HMMR: variants seen among roughly 807,000 people sequenced by gnomAD.
HMMR encodes the protein hyaluronan mediated motility receptor.
A neutral mutation model predicts 101.0 loss-of-function variants in HMMR; 108 were observed. The ratio of observed to expected loss-of-function variants is 1.07; its 90% CI spans 0.92 to 1.25. The LOEUF is 1.25. Among genes scored for constraint, HMMR ranks in the 50% most tolerant of loss-of-function variants. The pLI, the probability that HMMR is intolerant of heterozygous loss-of-function variation, is 0.00. For missense variants in HMMR, 813 were observed against 788.7 expected (o/e 1.03, Z -0.37); for synonymous variants, 296 against 276.4 (o/e 1.07, Z -0.70).
intron 6 of HMMR, 39 bp downstream of exon 6, chr5:163,471,310 T>C (rs1462995151): frequency 6.2e-7 from 1 of 1,605,270 alleles, no homozygotes; most frequent in African/African-American, 1.3e-5. Flanking sequence ...TGTCTGGATC[T>C]GGGGATCAGT....
intron 12 of HMMR, among the ~76,000 whole-genome samples, chr5:163,482,107 G>T (rs909704614): frequency 2.0e-5 from 3 of 152,026 alleles, no homozygotes; most frequent in Admixed American, 2.0e-4. Flanking sequence ...AGTAGTGATG[G>T]GGTTTCACCA....
intron 16 of HMMR, among the ~76,000 whole-genome samples, chr5:163,485,280 CA>C (rs1410651640): frequency 2.0e-5 from 3 of 152,090 alleles, no homozygotes; most frequent in African/African-American, 7.2e-5. Context: ...TGGCTCATAC[CA>C]ATCTATATTC....
At chr5:163,480,239 A>G (rs1759211659) in intron 12 of HMMR, among the ~76,000 whole-genome samples, 1 of 152,180 alleles carries the variant, frequency 6.6e-6, no homozygotes, top group African/African-American at 2.4e-5. Context: ...TGTGTATTAT[A>G]ATTTTATGAC....
At chr5:163,483,583 T>TA (rs1759358861) in intron 15 of HMMR, among the ~76,000 whole-genome samples, 1 of 152,174 alleles carries the variant, frequency 6.6e-6, no homozygotes. Flanking sequence ...TTAATTGACA[T>TA]AATTTTTTCA....
At position 163,469,751 on chromosome 5, in the gene HMMR, ATC is replaced by A; in HGVS notation, c.392_393del (p.Ser131CysfsTer3). Reference sequence around the variant, plus strand: ...TAAATGCTGCACTAAGGGAAAAAACATCTCTCTCTGCAAATAATGCTACACTG... The same window carrying A: ...TAAATGCTGCACTAAGGGAAAAAACATCTCTCTGCAAATAATGCTACACTG... ...RLNAALREKT[S>X]LSANNATLEK... On this transcript the variant is annotated frameshift_variant, in exon 5 of 18. Transcript: ENST00000393915. LOFTEE classifies it high-confidence loss of function. 1.9e-6 allele frequency: 3 copies of A among 1,612,938 alleles called. No homozygotes were observed. The highest frequency in any genetic ancestry group is 2.5e-6 in the Non-Finnish European group (3 of 1,178,926).
chr5:163,488,208 T>C (rs904307339), intron 16 of HMMR, among the ~76,000 whole-genome samples: 3 of 152,100 alleles, frequency 2.0e-5, no homozygotes, highest in Admixed American at 6.5e-5. Context: ...GGGGTACATA[T>C]GCAGATTTGT....
At position 163,473,531 on chromosome 5, in the gene HMMR, A is replaced by G; in HGVS notation, c.878A>G (p.Lys293Arg). 3 of 1,578,726 alleles carry G rather than the reference A, an allele frequency of 1.9e-6. No individual in the cohort carries two copies. In the Middle Eastern group the frequency reaches 5.0e-4, roughly 265 times the overall value. ...AAACAAGTAGAAGATCTAAATGTGA[A>G]ATGTCAGCTGCTTGAAAAAGAAAAA... ...LSKQVEDLNV[K>R]CQLLEKEKED... is the part of the protein sequence containing the mutation. The change falls in exon 9 of 18, where the codon AAA becomes AGA. Residue 293 changes from lysine (K) to arginine (R), a missense_variant. By Grantham distance (26) the Lys-to-Arg change is conservative. Coordinates refer to ENST00000393915, the MANE Select transcript of HMMR (RefSeq NM_001142556.2).
At chr5:163,471,495 A>G (rs751781296) in intron 7 of HMMR, 32 bp downstream of exon 7, 1 of 1,407,170 alleles carries the variant, frequency 7.1e-7, no homozygotes, top group Non-Finnish European at 1.0e-6. Flanking sequence ...GAAATTGTTA[A>G]GTGGAAGCAA....
intron 12 of HMMR, among the ~76,000 whole-genome samples, chr5:163,481,917 T>C (rs1321200890): frequency 6.6e-6 from 1 of 152,170 alleles, no homozygotes; most frequent in Non-Finnish European, 1.5e-5. Flanking sequence ...TTTTATTTTA[T>C]TTATTTGTTT....
chr5:163,463,222 A>C (rs557530848), intron 1 of HMMR, among the ~76,000 whole-genome samples: 1 of 152,202 alleles, frequency 6.6e-6, no homozygotes, highest in Non-Finnish European at 1.5e-5. Context: ...TAAGCCTCAC[A>C]TTCTTTGTCT....
chr5:163,488,107 T>G (rs1759543353), intron 16 of HMMR, among the ~76,000 whole-genome samples: 1 of 152,212 alleles, frequency 6.6e-6, no homozygotes, highest in South Asian at 2.1e-4. Context: ...CTACCAGCTT[T>G]GGCCTCAAAA....
intron 5 of HMMR, among the ~76,000 whole-genome samples, chr5:163,470,500 G>T (rs1052954938): frequency 1.1e-4 from 16 of 151,982 alleles, no homozygotes; most frequent in African/African-American, 3.9e-4. Context: ...GCGTACACCC[G>T]TAATTCCAGC....
intron 7 of HMMR, among the ~76,000 whole-genome samples, chr5:163,471,842 G>C (rs545829624): frequency 2.0e-5 from 3 of 152,080 alleles, no homozygotes; most frequent in Non-Finnish European, 2.9e-5. Flanking sequence ...TGGATAGTAA[G>C]TATTCAGTTT....
chr5:163,469,787 A>G lies in HMMR; in HGVS notation c.420A>G (p.Gln140=). ...CAAATAATGCTACACTGGAAAAACA[A>G]CTTATTGAATTGACCAGGACTAATG... is the stretch of plus-strand genomic sequence containing the variant. The part of the protein sequence containing the change: ...LSANNATLEK[Q]LIELTRTNEL... Residue 140 remains glutamine (Q), a synonymous_variant, in exon 5 of 18, where the codon CAA becomes CAG. Transcript: ENST00000393915. The G allele has an allele frequency of 6.2e-7, 1 of 1,611,692 alleles. No individual in the cohort carries two copies. Among genetic ancestry groups the G allele is most frequent in the Non-Finnish European group, 8.5e-7 (1 of 1,177,850 alleles).
chr5:163,478,509 A>AT (rs1759142479), intron 11 of HMMR, among the ~76,000 whole-genome samples, 175 bp from the exon 12 acceptor site: 1 of 152,218 alleles, frequency 6.6e-6, no homozygotes, highest in South Asian at 2.1e-4. Context: ...AGAAAAATGC[A>AT]TAAAAAACAT....
chr5:163,483,022 T>A lies in HMMR; in HGVS notation c.1535T>A (p.Met512Lys), dbSNP rs1421420143. Reference protein sequence around the residue: ...TESSNQEYVRMLLDLQTKSAL... With the variant: ...TESSNQEYVRKLLDLQTKSAL... The stretch of plus-strand genomic sequence containing the variant: ...ACCTCTTCTCTCTCAAACCAAAGGA[T>A]GCTTCTAGATCTGCAGACCAAGTCA... The change falls in exon 14 of 18, where the codon ATG becomes AAG. Residue 512 changes from methionine to lysine, a missense_variant and splice_region_variant. Physicochemically the swap from Met to Lys is moderately conservative, Grantham distance 95. Coordinates refer to ENST00000393915, the MANE Select transcript of HMMR (RefSeq NM_001142556.2). 1.9e-6 allele frequency: 3 copies of A among 1,583,806 alleles called. No homozygotes were observed. The highest frequency in any genetic ancestry group is 1.7e-4 in the Middle Eastern group (1 of 5,886).
rs956533747 is a variant in HMMR at position 163,460,723 on chromosome 5, T to C, written c.31T>C (p.Phe11Leu). Reference sequence around the variant, plus strand: ...CTTTCCTAAGGCGCCCTTGAAACGATTCAATGACCCTTCTGGTGCGTAAGG... The same window carrying C: ...CTTTCCTAAGGCGCCCTTGAAACGACTCAATGACCCTTCTGGTGCGTAAGG... MSFPKAPLKR[F>L]NDPSGCAPSP... is the part of the protein sequence containing the mutation. Residue 11 changes from phenylalanine (F) to leucine (L), a missense_variant, in exon 1 of 18, where the codon TTC becomes CTC. Coordinates refer to ENST00000393915, the MANE Select transcript of HMMR (RefSeq NM_001142556.2). The C allele has an allele frequency of 6.2e-7, 1 of 1,608,616 alleles. No homozygotes were observed. The highest frequency in any genetic ancestry group is 8.5e-7 in the Non-Finnish European group (1 of 1,177,498).
intron 5 of HMMR, among the ~76,000 whole-genome samples, chr5:163,470,599 G>C (rs936135914): frequency 6.6e-6 from 1 of 152,158 alleles, no homozygotes; most frequent in African/African-American, 2.4e-5. Flanking sequence ...AAGTTGCAGT[G>C]AGCAACACGG....
chr5:163,489,903 G>C (rs1759624001), intron 16 of HMMR, among the ~76,000 whole-genome samples: 1 of 152,236 alleles, frequency 6.6e-6, no homozygotes, highest in African/African-American at 2.4e-5. Context: ...GCCTTGCTAA[G>C]CTGGGAGTGG....
Sources: gnomAD v4.1 joint callset for allele counts (sites outside exome capture counted in the v4.1 genomes callset) on GRCh38, gnomAD v4.1.1 for gene constraint, MANE v1.5 for transcripts, NCBI Gene and HGNC (gene_info 2026-07-23, HGNC 2026-07-21) for gene names.